SNX29: variants seen among roughly 807,000 people sequenced by gnomAD.
The protein encoded by SNX29 is sorting nexin 29.
Under a neutral mutation model 102.1 loss-of-function variants are expected in SNX29, and 78 were observed. The ratio of observed to expected loss-of-function variants is 0.76; its 90% CI spans 0.64 to 0.92. SNX29 has a LOEUF of 0.92. SNX29 is among the 40% of genes least tolerant of loss of function. SNX29 has a pLI of 0.00. For missense variants in SNX29, 1,280 were observed against 1,061.7 expected (o/e 1.21, Z -2.86); for synonymous variants, 580 against 414.5 (o/e 1.40, Z -4.85).
chr16:12,494,346 T>A (rs2088702734), intron 19 of SNX29, among the ~76,000 whole-genome samples: 1 of 152,158 alleles, frequency 6.6e-6, no homozygotes, highest in Admixed American at 6.5e-5. Flanking sequence ...TTTAATTGTC[T>A]CCTTCCTCGC....
chr16:12,074,549 G>C (rs905004616), intron 10 of SNX29, among the ~76,000 whole-genome samples: 27 of 152,036 alleles, frequency 1.8e-4, no homozygotes, highest in Non-Finnish European at 2.9e-4. Context: ...TAGTCTGATG[G>C]GCTTCCTTTT....
intron 18 of SNX29, among the ~76,000 whole-genome samples, chr16:12,454,007 C>A (rs2086423196): frequency 6.6e-6 from 1 of 152,030 alleles, no homozygotes; most frequent in African/African-American, 2.4e-5. Context: ...GGGCATTATG[C>A]CCACATAGAA....
At chr16:12,124,758 A>G (rs2054131341) in intron 11 of SNX29, among the ~76,000 whole-genome samples, 1 of 152,198 alleles carries the variant, frequency 6.6e-6, no homozygotes, top group African/African-American at 2.4e-5. Context: ...ATCTTAGATC[A>G]GTTTCCATTG....
At chr16:12,346,247 A>G (rs1179282183) in intron 15 of SNX29, among the ~76,000 whole-genome samples, 1 of 152,080 alleles carries the variant, frequency 6.6e-6, no homozygotes, top group African/African-American at 2.4e-5. Context: ...CCTTGGAGAG[A>G]TGAAGGATGT....
At chr16:12,347,037 T>G (rs1284431480) in intron 15 of SNX29, among the ~76,000 whole-genome samples, 1 of 152,172 alleles carries the variant, frequency 6.6e-6, no homozygotes, top group Admixed American at 6.5e-5. Flanking sequence ...TGATGGGTGT[T>G]GTCCCTCTTT....
intron 14 of SNX29, among the ~76,000 whole-genome samples, chr16:12,274,297 T>C (rs2079178746): frequency 6.6e-6 from 1 of 152,204 alleles, no homozygotes; most frequent in Non-Finnish European, 1.5e-5. Context: ...TTTTATCCTT[T>C]GTAAAAATTC....
intron 11 of SNX29, among the ~76,000 whole-genome samples, chr16:12,123,147 T>C (rs2054049910): frequency 6.6e-6 from 1 of 152,182 alleles, no homozygotes; most frequent in African/African-American, 2.4e-5. Context: ...AAATTTTAAC[T>C]ATATGACAAA....
chr16:12,024,214 C>T (rs747480028), intron 3 of SNX29, among the ~76,000 whole-genome samples: 5 of 151,742 alleles, frequency 3.3e-5, no homozygotes, highest in African/African-American at 4.8e-5. Context: ...TCTCGGCTCA[C>T]GGCAACCTCC....
intron 3 of SNX29, among the ~76,000 whole-genome samples, chr16:12,007,968 G>T (rs1270955300): frequency 6.6e-6 from 1 of 151,942 alleles, no homozygotes; most frequent in Non-Finnish European, 1.5e-5. Context: ...TTTTGAGATG[G>T]AGTCTCGCTC....
intron 20 of SNX29, among the ~76,000 whole-genome samples, chr16:12,528,071 C>A (rs1001216464): frequency 1.2e-4 from 19 of 152,080 alleles, no homozygotes; most frequent in Admixed American, 2.6e-4. Flanking sequence ...GTTATTCCCC[C>A]ACCTTGGCCT....
intron 20 of SNX29, among the ~76,000 whole-genome samples, chr16:12,548,824 C>G (rs1443457684): frequency 6.6e-6 from 1 of 152,184 alleles, no homozygotes; most frequent in African/African-American, 2.4e-5. Context: ...TATGGCAGGC[C>G]CAGCCCTGTC....
At position 12,353,777 on chromosome 16, in the gene SNX29, G is replaced by A. The variant is rs962847261; in HGVS notation, c.1783-2386G>A. On this transcript the variant is annotated intron_variant, in intron 15 of 20. Coordinates refer to ENST00000566228, the MANE Select transcript of SNX29 (RefSeq NM_032167.5). ...AGGGAGAAGGGGGATTGGAGAGAAA[G>A]GCTGGGGCTGCATCTTGAAGGAGTT... Among the ~76,000 whole-genome samples, 11 of 152,352 alleles carry A rather than the reference G, an allele frequency of 7.2e-5. No individual in the cohort carries two copies. The East Asian group carries it at 2.1e-3, about 29-fold the overall frequency.
rs2057524313 is a variant in SNX29 at position 12,038,003 on chromosome 16, C to T, written c.248-4894C>T. 2.0e-5 allele frequency among the ~76,000 whole-genome samples: 3 copies of T among 151,732 alleles called. No individual in the cohort carries two copies. In the South Asian group the frequency reaches 6.2e-4, roughly 32 times the overall value. On this transcript the variant is annotated intron_variant, in intron 4 of 20. Coordinates refer to ENST00000566228, the MANE Select transcript of SNX29 (RefSeq NM_032167.5). ...CAAAACAAAACAAAACAAAAAAAACCCCAAACAAGGAAAAGGAATGCTGTT... is the reference window on the plus strand; with the variant it reads ...CAAAACAAAACAAAACAAAAAAAACTCCAAACAAGGAAAAGGAATGCTGTT...
intron 13 of SNX29, among the ~76,000 whole-genome samples, chr16:12,151,166 G>A (rs2055284002): frequency 6.6e-6 from 1 of 152,068 alleles, no homozygotes. Flanking sequence ...TATTACTCTT[G>A]CTTTGCTGAG....
At chr16:12,527,625 A>G in intron 20 of SNX29, among the ~76,000 whole-genome samples, 1 of 152,114 alleles carries the variant, frequency 6.6e-6, no homozygotes. Context: ...TGTTGAGGAA[A>G]GTGAGGCTCA....
chr16:12,056,484 G>T (rs1385443017), intron 8 of SNX29, among the ~76,000 whole-genome samples: 1 of 152,178 alleles, frequency 6.6e-6, no homozygotes, highest in Non-Finnish European at 1.5e-5. Context: ...CTTTGATTTT[G>T]ATTCTAAGCT....
At chr16:12,276,977 C>G (rs541807938) in intron 14 of SNX29, among the ~76,000 whole-genome samples, 1 of 152,206 alleles carries the variant, frequency 6.6e-6, no homozygotes, top group South Asian at 2.1e-4. Flanking sequence ...TTATAAATAC[C>G]AATCCTTGGT....
At chr16:12,546,489 C>G (rs1222819132) in intron 20 of SNX29, 2 of 152,200 alleles carry the variant, frequency 1.3e-5, no homozygotes, top group African/African-American at 4.8e-5. Context: ...AAGAACAGCA[C>G]AGGAAAGACT....
In SNX29 at chr16:12,092,447, C is replaced by T. The variant is rs147099347; in HGVS notation, c.1402+13532C>T. 7.9e-5 allele frequency among the ~76,000 whole-genome samples: 12 copies of T among 152,284 alleles called. No individual in the cohort carries two copies. In the East Asian group the frequency reaches 2.1e-3, roughly 27 times the overall value. ...ACCATTGTGTCTCTATCTCGGGATG[C>T]AGTAAAGGCCTGGTAATATGAGTTG... On this transcript the variant is annotated intron_variant, in intron 11 of 20. Coordinates refer to ENST00000566228, the MANE Select transcript of SNX29 (RefSeq NM_032167.5).
Sources: gnomAD v4.1 joint callset for allele counts (sites outside exome capture counted in the v4.1 genomes callset) on GRCh38, gnomAD v4.1.1 for gene constraint, MANE v1.5 for transcripts, NCBI Gene and HGNC (gene_info 2026-07-23, HGNC 2026-07-21) for gene names.